GOLM2: variants seen among roughly 807,000 people sequenced by gnomAD.
The protein encoded by GOLM2 is golgi membrane protein 2.
A neutral mutation model predicts 55.9 loss-of-function variants in GOLM2; 26 were observed. The ratio of observed to expected loss-of-function variants is 0.47; its 90% CI spans 0.34 to 0.65. GOLM2 has a LOEUF of 0.65. Among genes scored for constraint, GOLM2 ranks in the 30% least tolerant of loss-of-function variants. GOLM2 has a pLI of 0.01. For synonymous variants in GOLM2, 165 were observed against 194.6 expected (o/e 0.85, Z 1.27); for missense variants, 486 against 531.8 (o/e 0.91, Z 0.85).
chr15:44,306,483 A>G (rs1216265062), intron 1 of GOLM2, among the ~76,000 whole-genome samples: 3 of 152,168 alleles, frequency 2.0e-5, no homozygotes, highest in Admixed American at 1.3e-4. Context: ...AACTTTCTCC[A>G]TATCAGCAAC....
intron 1 of GOLM2, among the ~76,000 whole-genome samples, chr15:44,320,549 C>T (rs2078941919): frequency 6.6e-6 from 1 of 152,204 alleles, no homozygotes; most frequent in Non-Finnish European, 1.5e-5. Context: ...AAGTGATCCT[C>T]TTGCTTTGGC....
chr15:44,386,891 T>C (rs964289639), intron 8 of GOLM2, among the ~76,000 whole-genome samples: 3 of 149,602 alleles, frequency 2.0e-5, no homozygotes, highest in African/African-American at 7.4e-5. Flanking sequence ...AATTAAAAAA[T>C]TGGCCGAGTG....
At chr15:44,331,440 A>T (rs2079021650) in intron 3 of GOLM2, among the ~76,000 whole-genome samples, 1 of 152,228 alleles carries the variant, frequency 6.6e-6, no homozygotes, top group Non-Finnish European at 1.5e-5. Flanking sequence ...GCTAGCAGAA[A>T]GTCACCATCT....
intron 1 of GOLM2, chr15:44,308,170 T>G (rs1378008466): frequency 6.6e-6 from 1 of 152,206 alleles, no homozygotes; most frequent in Non-Finnish European, 1.5e-5. Flanking sequence ...CTAGAACTTT[T>G]TCACGATCCC....
At chr15:44,413,237 C>A in intron 9 of GOLM2, 99 bp from the exon 10 acceptor site, 1 of 780,302 alleles carries the variant, frequency 1.3e-6, no homozygotes, top group Non-Finnish European at 2.1e-6. Flanking sequence ...AAATAACAAG[C>A]AGGAAACTAC....
intron 6 of GOLM2, among the ~76,000 whole-genome samples, chr15:44,364,535 C>CA (rs939760537): frequency 3.1e-4 from 46 of 146,718 alleles, no homozygotes; most frequent in Non-Finnish European, 3.3e-4. Context: ...GACTCCATCT[C>CA]AAAAAAAAAA....
At chr15:44,388,678 GA>G (rs1229292798) in intron 8 of GOLM2, among the ~76,000 whole-genome samples, 13 of 151,960 alleles carry the variant, frequency 8.6e-5, no homozygotes, top group East Asian at 1.9e-4. Context: ...TGTCTCAAAA[GA>G]AAAAAAGAGA....
chr15:44,411,807 C>T (rs559078227), intron 9 of GOLM2, among the ~76,000 whole-genome samples: 2 of 139,112 alleles, frequency 1.4e-5, no homozygotes, highest in African/African-American at 5.5e-5. Context: ...CCAGCCTGGG[C>T]GACAGAATGA....
intron 6 of GOLM2, among the ~76,000 whole-genome samples, chr15:44,361,819 G>A (rs1567035293): frequency 6.6e-6 from 1 of 152,120 alleles, no homozygotes; most frequent in Non-Finnish European, 1.5e-5. Flanking sequence ...ACCGAATCCA[G>A]CAGCACATCA....
intron 1 of GOLM2, among the ~76,000 whole-genome samples, chr15:44,309,486 GTAAA>G (rs2141118594): frequency 6.6e-6 from 1 of 152,098 alleles, no homozygotes; most frequent in East Asian, 1.9e-4. Context: ...TGAGAAAAAA[GTAAA>G]TAAAATAAAA....
chr15:44,352,158 T>G (rs549372652), intron 6 of GOLM2, among the ~76,000 whole-genome samples: 2 of 152,294 alleles, frequency 1.3e-5, no homozygotes, highest in East Asian at 3.9e-4. Flanking sequence ...TCACATAACC[T>G]GACTTCAAAT....
Position 44,400,299 on chromosome 15 carries a change from T to A in GOLM2, c.1073-2588T>A, listed in dbSNP as rs182971680. On this transcript the variant is annotated intron_variant, in intron 8 of 9. Transcript: ENST00000299957. ...AGTTACTCCAGTTACTTCAGTCTCCTGTTGTCCCCACACCCTCCCTTCTTT... is the reference window on the plus strand; with the variant it reads ...AGTTACTCCAGTTACTTCAGTCTCCAGTTGTCCCCACACCCTCCCTTCTTT... Among the ~76,000 whole-genome samples the A allele has an allele frequency of 3.3e-5, 5 of 152,058 alleles. No homozygotes were observed. The East Asian group carries it at 9.6e-4, about 29-fold the overall frequency.
chr15:44,315,301 T>C (rs1357445465), intron 1 of GOLM2, among the ~76,000 whole-genome samples: 7 of 152,210 alleles, frequency 4.6e-5, no homozygotes, highest in Admixed American at 4.6e-4. Context: ...AAGCCAATTG[T>C]ATATAACCTT....
intron 6 of GOLM2, among the ~76,000 whole-genome samples, chr15:44,375,036 G>T (rs992403634): frequency 6.6e-6 from 1 of 151,838 alleles, no homozygotes; most frequent in Admixed American, 6.6e-5. Context: ...ATTTATTTTT[G>T]AGACAGAGTC....
At chr15:44,378,209 C>T (rs915411108) in intron 6 of GOLM2, among the ~76,000 whole-genome samples, 2 of 151,490 alleles carry the variant, frequency 1.3e-5, no homozygotes, top group Middle Eastern at 3.4e-3. Flanking sequence ...CCACCACGCC[C>T]GGCTAATTTT....
intron 6 of GOLM2, 125 bp from the exon 7 acceptor site, chr15:44,379,565 C>G (rs540064473): frequency 3.2e-6 from 2 of 622,662 alleles, no homozygotes; most frequent in Non-Finnish European, 5.5e-6. Flanking sequence ...ATAAGGATTA[C>G]AAAATTAGAA....
chr15:44,321,675 GAA>G (rs2078951008), intron 1 of GOLM2, among the ~76,000 whole-genome samples: 1 of 152,130 alleles, frequency 6.6e-6, no homozygotes, highest in Admixed American at 6.5e-5. Flanking sequence ...CCCATTGTGG[GAA>G]ATTATGTGAA....
chr15:44,415,047 A>G lies in GOLM2; in HGVS notation c.*1641A>G, dbSNP rs2079664571. On this transcript the variant is annotated 3_prime_UTR_variant, in exon 10 of 10. Coordinates refer to ENST00000299957, the MANE Select transcript of GOLM2 (RefSeq NM_138423.4). ...TGAAATGTGTTTTCCCCTGTGTACT[A>G]ACACATTCTAGGCAAAATTCAAACT... is the stretch of plus-strand genomic sequence containing the variant. The G allele has an allele frequency of 6.6e-6, 1 of 152,620 alleles. No homozygotes were observed. Among genetic ancestry groups the G allele is most frequent in the African/African-American group, 2.4e-5 (1 of 41,452 alleles). 9.5% of individuals were successfully genotyped at this position (152,620 alleles called of 1,614,324 possible).
At chr15:44,362,822 A>G (rs1486994335) in intron 6 of GOLM2, among the ~76,000 whole-genome samples, 1 of 152,254 alleles carries the variant, frequency 6.6e-6, no homozygotes, top group Non-Finnish European at 1.5e-5. Flanking sequence ...CCAAAACAGC[A>G]TGGTACTGAT....
Sources: gnomAD v4.1 joint callset for allele counts (sites outside exome capture counted in the v4.1 genomes callset) on GRCh38, gnomAD v4.1.1 for gene constraint, MANE v1.5 for transcripts, NCBI Gene and HGNC (gene_info 2026-07-23, HGNC 2026-07-21) for gene names.